EPHA3: variants seen among roughly 807,000 people sequenced by gnomAD.
The protein encoded by EPHA3 is ephrin type-A receptor 3.
A neutral mutation model predicts 107.1 loss-of-function variants in EPHA3; 42 were observed. The observed-to-expected ratio is 0.39, with a 90% confidence interval of 0.31 to 0.51. The LOEUF (loss-of-function observed/expected upper bound fraction) is 0.51. Among genes scored for constraint, EPHA3 ranks in the 20% least tolerant of loss-of-function variants. The pLI is 0.78. For missense variants in EPHA3, 1,183 were observed against 1,211.2 expected (o/e 0.98, Z 0.35); for synonymous variants, 461 against 424.8 (o/e 1.09, Z -1.05).
intron 5 of EPHA3, among the ~76,000 whole-genome samples, chr3:89,383,788 A>T (rs1276973870): frequency 6.6e-6 from 1 of 151,522 alleles, no homozygotes; most frequent in Non-Finnish European, 1.5e-5. Flanking sequence ...AGCTGGGACT[A>T]CAGGTGCCCG....
At chr3:89,128,450 G>C (rs964380318) in intron 2 of EPHA3, among the ~76,000 whole-genome samples, 2 of 152,046 alleles carry the variant, frequency 1.3e-5, no homozygotes, top group African/African-American at 4.8e-5. Flanking sequence ...TTGTCATAAA[G>C]AGTGAATTGA....
intron 2 of EPHA3, among the ~76,000 whole-genome samples, chr3:89,205,464 G>A (rs1272674133): frequency 6.6e-6 from 1 of 152,198 alleles, no homozygotes; most frequent in Non-Finnish European, 1.5e-5. Context: ...GTTTGGTGTG[G>A]TTATTTTCAG....
chr3:89,120,454 T>C (rs1304780462), intron 1 of EPHA3, among the ~76,000 whole-genome samples: 1 of 152,252 alleles, frequency 6.6e-6, no homozygotes, highest in Non-Finnish European at 1.5e-5. Context: ...AACTCATTTA[T>C]GTGAAAGGAT....
chr3:89,204,292 TGGGTATGAATAGTA>T (rs1296164831), intron 2 of EPHA3, among the ~76,000 whole-genome samples: 3 of 152,156 alleles, frequency 2.0e-5, no homozygotes, highest in Non-Finnish European at 4.4e-5. Flanking sequence ...TAAAGGTGGT[TGGGTATGAATAGTA>T]GCCATTATAA....
intron 2 of EPHA3, 24 bp downstream of exon 2, chr3:89,127,297 G>A (rs772635643): frequency 6.3e-7 from 1 of 1,578,906 alleles, no homozygotes; most frequent in Non-Finnish European, 8.7e-7. Context: ...ACTATCACAA[G>A]GAAACATTTT....
intron 13 of EPHA3, among the ~76,000 whole-genome samples, chr3:89,435,184 C>A (rs1210699467): frequency 6.6e-6 from 1 of 151,952 alleles, no homozygotes; most frequent in Non-Finnish European, 1.5e-5. Context: ...GCTGATATTG[C>A]ACAAAATGTT....
At chr3:89,443,746 G>T (rs1486874861) in intron 13 of EPHA3, among the ~76,000 whole-genome samples, 3 of 152,064 alleles carry the variant, frequency 2.0e-5, no homozygotes, top group Admixed American at 6.6e-5. Context: ...GGTGAAGGGG[G>T]CCAGGTGGTT....
chr3:89,204,861 G>A (rs1706062827), intron 2 of EPHA3, among the ~76,000 whole-genome samples: 1 of 151,976 alleles, frequency 6.6e-6, no homozygotes, highest in Non-Finnish European at 1.5e-5. Context: ...ATAAACATAA[G>A]AATAAAAAAC....
chr3:89,329,279 C>A (rs561129401), intron 3 of EPHA3, among the ~76,000 whole-genome samples: 2 of 151,976 alleles, frequency 1.3e-5, no homozygotes, highest in Non-Finnish European at 2.9e-5. Flanking sequence ...CTCCCCGCTC[C>A]GCCCCCACCA....
chr3:89,405,701 G>A (rs1270366417), intron 7 of EPHA3, among the ~76,000 whole-genome samples: 2 of 152,264 alleles, frequency 1.3e-5, no homozygotes, highest in East Asian at 3.9e-4. Context: ...GGAGGTGATA[G>A]TATTCAGATA....
chr3:89,124,247 A>T (rs561841643), intron 1 of EPHA3, among the ~76,000 whole-genome samples: 28 of 152,234 alleles, frequency 1.8e-4, no homozygotes, highest in Non-Finnish European at 3.5e-4. Context: ...TATCAGTGTG[A>T]GATTTAAGAT....
chr3:89,444,819 G>T (rs1709850314), intron 13 of EPHA3, among the ~76,000 whole-genome samples: 1 of 152,000 alleles, frequency 6.6e-6, no homozygotes, highest in Non-Finnish European at 1.5e-5. Flanking sequence ...AATATGGTTA[G>T]ATAGAAAAGA....
At chr3:89,283,226 T>C (rs1273319498) in intron 3 of EPHA3, among the ~76,000 whole-genome samples, 1 of 152,094 alleles carries the variant, frequency 6.6e-6, no homozygotes, top group Non-Finnish European at 1.5e-5. Flanking sequence ...AACTGATTAG[T>C]GGTATTAGGT....
chr3:89,112,187 A>C (rs1707125211), intron 1 of EPHA3, among the ~76,000 whole-genome samples: 1 of 152,070 alleles, frequency 6.6e-6, no homozygotes, highest in South Asian at 2.1e-4. Flanking sequence ...GCTATAATGA[A>C]AAACACTTTA....
intron 3 of EPHA3, among the ~76,000 whole-genome samples, chr3:89,306,797 C>G (rs1045750814): frequency 5.9e-5 from 9 of 152,124 alleles, no homozygotes; most frequent in African/African-American, 2.2e-4. Flanking sequence ...AAGCAAAGAG[C>G]AGAATTCTGT....
chr3:89,385,469 C>A (rs1708596056), intron 5 of EPHA3, among the ~76,000 whole-genome samples: 2 of 152,130 alleles, frequency 1.3e-5, no homozygotes, highest in South Asian at 4.1e-4. Flanking sequence ...TTTTGCTTGG[C>A]ACTTCTACTT....
At chr3:89,435,242 A>G (rs1709643920) in intron 13 of EPHA3, among the ~76,000 whole-genome samples, 1 of 151,808 alleles carries the variant, frequency 6.6e-6, no homozygotes, top group East Asian at 1.9e-4. Context: ...ATTATAACTG[A>G]TGCATTAATC....
intron 2 of EPHA3, among the ~76,000 whole-genome samples, chr3:89,174,650 G>C (rs1705280794): frequency 6.6e-6 from 1 of 151,812 alleles, no homozygotes; most frequent in African/African-American, 2.4e-5. Context: ...TAATAATATA[G>C]TTATAAATCA....
rs551256822 is a variant in EPHA3 at position 89,199,861 on chromosome 3, T to C, written c.154-9999T>C. Among the ~76,000 whole-genome samples, 17 of 152,348 alleles carry C rather than the reference T, an allele frequency of 1.1e-4. No individual in the cohort carries two copies. In the East Asian group the frequency reaches 3.1e-3, roughly 28 times the overall value. ...CCTCATGTAGCCAAAAGCACACTTC[T>C]GTCTGTACTTTGTATAATTTTGACA... On this transcript the variant is annotated intron_variant, in intron 2 of 16. Transcript: ENST00000336596.
Sources: allele counts gnomAD v4.1 joint callset (sites outside exome capture counted in the v4.1 genomes callset), GRCh38; gene constraint gnomAD v4.1.1; transcripts MANE v1.5; gene names NCBI Gene and HGNC (gene_info 2026-07-23, HGNC 2026-07-21).